The following CEP63 variants were observed in gnomAD, a reference collection of about 807,000 sequenced individuals.
CEP63 encodes the protein centrosomal protein of 63 kDa.
CEP63 carries 84 observed loss-of-function variants against 89.1 expected under a neutral mutation model. The ratio of observed to expected loss-of-function variants is 0.94; its 90% CI spans 0.79 to 1.13. CEP63 has a LOEUF of 1.13. Ranked by LOEUF, CEP63 falls within the 50% of genes most tolerant of loss-of-function variation. The pLI is 0.00. For missense variants in CEP63, 838 were observed against 813.3 expected, an observed-to-expected ratio of 1.03 and a Z score of -0.37; for synonymous variants, 267 against 272.5, an observed-to-expected ratio of 0.98 and a Z score of 0.20.
At chr3:134,542,773 T>C (rs1407996554) in intron 6 of CEP63, among the ~76,000 whole-genome samples, 1 of 152,180 alleles carries the variant, frequency 6.6e-6, no homozygotes, top group Non-Finnish European at 1.5e-5. Context: ...TTTGTTTCAG[T>C]TTCAGTCTCC....
chr3:134,726,108 CTGA>C, the CEP63 span, among the ~76,000 whole-genome samples: 1 of 152,182 alleles, frequency 6.6e-6, no homozygotes, highest in African/African-American at 2.4e-5. Flanking sequence ...CCTAAGATTT[CTGA>C]TGTTTCAAAA....
chr3:134,635,493 T>TGAA, the CEP63 span, among the ~76,000 whole-genome samples: 1 of 79,352 alleles, frequency 1.3e-5, no homozygotes, highest in African/African-American at 4.9e-5. Context: ...CGAGACTCTG[T>TGAA]AAAAAAAAAA....
At chr3:134,572,465 AC>A (rs2110288665) in intron 11 of CEP63, among the ~76,000 whole-genome samples, 1 of 152,122 alleles carries the variant, frequency 6.6e-6, no homozygotes, top group East Asian at 1.9e-4. Flanking sequence ...GTCCGTTACT[AC>A]CCAATGTCTA....
intron 5 of CEP63, among the ~76,000 whole-genome samples, chr3:134,533,834 C>T (rs763765309): frequency 6.6e-6 from 1 of 152,158 alleles, no homozygotes; most frequent in Non-Finnish European, 1.5e-5. Flanking sequence ...CCACAAATGC[C>T]AGTATATTAT....
At chr3:134,636,798 T>G in the CEP63 span, among the ~76,000 whole-genome samples, 1 of 152,268 alleles carries the variant, frequency 6.6e-6, no homozygotes, top group Non-Finnish European at 1.5e-5. Flanking sequence ...CTTTAAATTT[T>G]TATCAGTGAA....
chr3:134,724,613 G>T, the CEP63 span, among the ~76,000 whole-genome samples: 1 of 152,156 alleles, frequency 6.6e-6, no homozygotes, highest in East Asian at 1.9e-4. Context: ...CTGGCTATTA[G>T]GCATATAAAA....
the CEP63 span, among the ~76,000 whole-genome samples, chr3:134,699,009 C>G: frequency 1.3e-5 from 2 of 152,154 alleles, no homozygotes; most frequent in Non-Finnish European, 2.9e-5. Context: ...AGGCCTCTCA[C>G]TACTTGGAGA....
chr3:134,760,892 A>G, the CEP63 span, among the ~76,000 whole-genome samples: 10 of 152,262 alleles, frequency 6.6e-5, no homozygotes, highest in South Asian at 2.1e-3. Context: ...AGGCTTGCTT[A>G]GTACCTCAGT....
At chr3:134,603,768 C>T in the CEP63 span, 1 of 1,612,544 alleles carries the variant, frequency 6.2e-7, no homozygotes, top group Non-Finnish European at 8.5e-7. Context: ...CATGCAGCTT[C>T]AATTTGAATG....
chr3:134,490,330 T>C (rs1370280308), intron 1 of CEP63, among the ~76,000 whole-genome samples: 3 of 152,148 alleles, frequency 2.0e-5, no homozygotes, highest in African/African-American at 7.2e-5. Flanking sequence ...GTGCCATTAA[T>C]AGAATTAGTT....
the CEP63 span, among the ~76,000 whole-genome samples, chr3:134,755,152 C>T: frequency 2.6e-5 from 4 of 152,154 alleles, no homozygotes; most frequent in African/African-American, 9.7e-5. Context: ...GAGGATACAG[C>T]AGGTACAAAG....
chr3:134,647,540 A>G, the CEP63 span: 2 of 1,244,846 alleles, frequency 1.6e-6, no homozygotes, highest in Non-Finnish European at 2.3e-6. Context: ...ACTCAGGGCA[A>G]AAGAGTGATG....
intron 3 of CEP63, among the ~76,000 whole-genome samples, chr3:134,515,090 G>C (rs1945922595): frequency 6.6e-6 from 1 of 152,086 alleles, no homozygotes; most frequent in Admixed American, 6.5e-5. Context: ...AGTCAGGTTG[G>C]GATAAATGGA....
the CEP63 span, among the ~76,000 whole-genome samples, chr3:134,680,443 T>C: frequency 6.6e-6 from 1 of 152,188 alleles, no homozygotes; most frequent in East Asian, 1.9e-4. Context: ...AGCACATTGA[T>C]GAGGCAAGAA....
the CEP63 span, among the ~76,000 whole-genome samples, chr3:134,649,902 A>G: frequency 6.6e-6 from 1 of 152,166 alleles, no homozygotes; most frequent in Non-Finnish European, 1.5e-5. Context: ...GCTGGAGGGG[A>G]GGAGAGAGGC....
the CEP63 span, among the ~76,000 whole-genome samples, chr3:134,686,850 A>T: frequency 6.6e-6 from 1 of 152,200 alleles, no homozygotes; most frequent in East Asian, 1.9e-4. Context: ...AAGAGATGGG[A>T]TAACTTGCCT....
the CEP63 span, among the ~76,000 whole-genome samples, chr3:134,742,021 C>T: frequency 4.6e-5 from 7 of 151,632 alleles, no homozygotes; most frequent in African/African-American, 7.3e-5. Flanking sequence ...TGTGCACTCT[C>T]GTTCCAAAGG....
the CEP63 span, among the ~76,000 whole-genome samples, chr3:134,706,464 G>T: frequency 6.6e-6 from 1 of 152,124 alleles, no homozygotes; most frequent in East Asian, 1.9e-4. Flanking sequence ...CTTGGCAGGG[G>T]ACTGTTAACT....
intron 10 of CEP63, among the ~76,000 whole-genome samples, chr3:134,582,770 T>A (rs4955500): frequency 6.6e-6 from 1 of 152,172 alleles, no homozygotes; most frequent in African/African-American, 2.4e-5. Flanking sequence ...TTCCACAATG[T>A]TTGAACTAAT....
Sources: gnomAD v4.1 joint callset for allele counts (sites outside exome capture counted in the v4.1 genomes callset) on GRCh38, gnomAD v4.1.1 for gene constraint, MANE v1.5 for transcripts, NCBI Gene and HGNC (gene_info 2026-07-23, HGNC 2026-07-21) for gene names.